Variants in ARID3B observed in about 807,000 individuals in gnomAD.
ARID3B encodes AT-rich interaction domain 3B.
In ARID3B, 10 loss-of-function variants were observed where a neutral mutation model predicts 51.9. The observed-to-expected ratio is 0.19, with a 90% CI of 0.12 to 0.33. The LOEUF (loss-of-function observed/expected upper bound fraction) is 0.33, where lower values mean the gene tolerates loss of function less well. Ranked by LOEUF, ARID3B falls within the 10% of genes least tolerant of loss-of-function variation. ARID3B has a pLI of 1.00. For missense variants in ARID3B, 483 were observed against 716.3 expected, an observed-to-expected ratio of 0.67 and a Z score of 3.72; for synonymous variants, 205 against 279.5, an observed-to-expected ratio of 0.73 and a Z score of 2.66.
Position 74,544,438 on chromosome 15 carries a change from G to C in ARID3B, c.502G>C (p.Val168Leu), listed in dbSNP as rs140786777. The change falls in exon 2 of 9, where the codon GTC (valine) becomes CTC (leucine). Residue 168 changes from valine (V) to leucine (L), a missense_variant. Val to Leu is a conservative substitution (Grantham distance 32). Around this residue, in one of 3 missense-constraint regions of ARID3B, gnomAD observed 182 missense variants for 244.5 expected, o/e 0.74. Transcript: ENST00000346246. The part of the protein sequence containing the change: ...TKDASKASPS[V>L]STAGQPNWNL... The stretch of plus-strand genomic sequence containing the variant: ...AGATGCTTCCAAGGCCTCACCTTCT[G>C]TCTCCACAGCAGGACAGCCGAACTG... 2,593 of 1,614,152 alleles carry C rather than the reference G, an allele frequency of 1.6e-3. 8 individuals are homozygous for C. The highest frequency in any genetic ancestry group is 6.8e-3 in the East Asian group (305 of 44,880).
At chr15:74,553,702 A>G (rs2061646147) in intron 2 of ARID3B, among the ~76,000 whole-genome samples, 1 of 152,160 alleles carries the variant, frequency 6.6e-6, no homozygotes, top group Non-Finnish European at 1.5e-5. Flanking sequence ...TAAATGTTCC[A>G]TGTGTGCTTG....
Position 74,595,628 on chromosome 15 carries a change from A to T in ARID3B, c.1537A>T (p.Lys513Ter). Reference protein sequence around the residue: ...TTYAGVLFAQKPVVHLITGSA... With the variant: ...TTYAGVLFAQ ...CCACCAAGGTGTGCTGTTTGCCCAG[A>T]AGCCTGTGGTCCACCTCATCACGGG... is the stretch of plus-strand genomic sequence containing the variant. The change falls in exon 9 of 9, where the codon AAG becomes TAG. Residue 513 changes from lysine to a stop codon, truncating the protein, a stop_gained. Coordinates refer to ENST00000346246, the MANE Select transcript of ARID3B (RefSeq NM_006465.4). LOFTEE classifies it high-confidence loss of function. 1 of 1,612,846 alleles carries T rather than the reference A, an allele frequency of 6.2e-7. No individual in the cohort carries two copies. Among genetic ancestry groups the T allele is most frequent in the Non-Finnish European group, 8.5e-7 (1 of 1,179,298 alleles).
intron 2 of ARID3B, among the ~76,000 whole-genome samples, chr15:74,570,253 A>ACT (rs1596257548): frequency 6.6e-6 from 1 of 152,100 alleles, no homozygotes; most frequent in East Asian, 1.9e-4. Context: ...GGCATTCTCC[A>ACT]TGTGTGGAGC....
chr15:74,575,862 A>C (rs1038383736), intron 4 of ARID3B, among the ~76,000 whole-genome samples: 1 of 152,164 alleles, frequency 6.6e-6, no homozygotes, highest in African/African-American at 2.4e-5. Flanking sequence ...TGGGATGGGT[A>C]GTCCTTGTTG....
At chr15:74,565,089 G>A (rs2141459462) in intron 2 of ARID3B, among the ~76,000 whole-genome samples, 1 of 151,540 alleles carries the variant, frequency 6.6e-6, no homozygotes, top group African/African-American at 2.4e-5. Flanking sequence ...CTGTTACCCA[G>A]GCTGGAGTGT....
intron 4 of ARID3B, among the ~76,000 whole-genome samples, chr15:74,584,816 G>A (rs1052190719): frequency 6.6e-6 from 1 of 152,166 alleles, no homozygotes; most frequent in Non-Finnish European, 1.5e-5. Flanking sequence ...TAGTGCCAGC[G>A]CCCAGCGGCA....
At position 74,591,362 on chromosome 15, in the gene ARID3B, C is replaced by T. The variant is rs1567127286; in HGVS notation, c.1093C>T (p.Leu365Phe). The change falls in exon 6 of 9, where the codon CTT (leucine) becomes TTT (phenylalanine). Residue 365 changes from leucine (L) to phenylalanine (F), a missense_variant. This residue lies in a region of ARID3B where 265 missense variants were observed against 354.4 expected (regional missense o/e 0.75). Transcript: ENST00000346246. This position sits in a 1 kb window ranked among gnomAD's most constrained non-coding sequence, Gnocchi z 5.8. ...LSPPKIRFPI[L>F]GLGSSSGTNT... The stretch of plus-strand genomic sequence containing the variant: ...CCCACCCAAGATCCGCTTTCCCATC[C>T]TTGGGCTTGGCTCCAGCAGTGGTAC... 1.9e-6 allele frequency: 3 copies of T among 1,614,188 alleles called. No homozygotes were observed. The highest frequency in any genetic ancestry group is 2.5e-6 in the Non-Finnish European group (3 of 1,180,008).
chr15:74,542,661 A>C (rs2061599282), intron 1 of ARID3B, among the ~76,000 whole-genome samples: 1 of 152,274 alleles, frequency 6.6e-6, no homozygotes, highest in African/African-American at 2.4e-5. Flanking sequence ...CACTGGAACA[A>C]TGCAGATATC....
chr15:74,566,951 G>A (rs2061701280), intron 2 of ARID3B, among the ~76,000 whole-genome samples: 1 of 151,874 alleles, frequency 6.6e-6, no homozygotes, highest in Admixed American at 6.6e-5. Context: ...GAAAAAAAAG[G>A]AAAAGTGAAA....
At chr15:74,580,143 A>G (rs1366887507) in intron 4 of ARID3B, among the ~76,000 whole-genome samples, 1 of 152,208 alleles carries the variant, frequency 6.6e-6, no homozygotes. Flanking sequence ...GTGAGCCAGG[A>G]TTGCACCACA....
rs889737176 is a variant in ARID3B, at chr15:74,572,788, T to C, written c.553-74T>C. Reference sequence around the variant, plus strand: ...TAAGCATCTTCATCTTTGCCCTAAATGATTGCCTTGCCCTCTGTCCTAACT... The same window carrying C: ...TAAGCATCTTCATCTTTGCCCTAAACGATTGCCTTGCCCTCTGTCCTAACT... On this transcript the variant is annotated intron_variant, in intron 2 of 8. Coordinates refer to ENST00000346246, the MANE Select transcript of ARID3B (RefSeq NM_006465.4). The C allele has an allele frequency of 1.6e-5, 23 of 1,426,060 alleles. No individual in the cohort carries two copies. In the African/African-American group the frequency reaches 2.7e-4, roughly 17 times the overall value. The allele number at this position is 1,426,060 out of a possible 1,614,324, so 88.3% of individuals were successfully genotyped here.
intron 4 of ARID3B, among the ~76,000 whole-genome samples, chr15:74,582,350 T>TA (rs2061765119): frequency 6.6e-6 from 1 of 152,052 alleles, no homozygotes; most frequent in Admixed American, 6.6e-5. Context: ...ATATTTTTAA[T>TA]ATAGATGGGG....
chr15:74,585,824 G>A (rs2061779289), intron 4 of ARID3B, among the ~76,000 whole-genome samples: 1 of 152,226 alleles, frequency 6.6e-6, no homozygotes, highest in Non-Finnish European at 1.5e-5. Flanking sequence ...AAACTGCTGA[G>A]ACCAACCTGC....
At position 74,572,965 on chromosome 15, in the gene ARID3B, G is replaced by A. The variant is rs202037846; in HGVS notation, c.624+32G>A. 15 of 1,611,506 alleles carry A rather than the reference G, an allele frequency of 9.3e-6. 1 individual carries two copies. In the East Asian group the frequency reaches 2.5e-4, roughly 26 times the overall value. On this transcript the variant is annotated intron_variant, in intron 3 of 8. Transcript: ENST00000346246. ...AATACTTCCTTTGTGATACAGATAG[G>A]GGCAGTTCTGCAGTGGCTTGTTACA...
chr15:74,592,779 G>A (rs75573269), intron 7 of ARID3B, among the ~76,000 whole-genome samples: 4,989 of 151,448 alleles, frequency 0.033, 290 homozygotes, highest in African/African-American at 0.11. Context: ...AGTTGGGGCT[G>A]GGTCTCATTG....
chr15:74,582,138 GTT>G (rs2061764178), intron 4 of ARID3B, among the ~76,000 whole-genome samples: 1 of 151,794 alleles, frequency 6.6e-6, no homozygotes, highest in Non-Finnish European at 1.5e-5. Context: ...TCATTGGCCA[GTT>G]TCTCCGAATG....
In ARID3B at chr15:74,591,758, G is replaced by C. The variant is rs149869854; in HGVS notation, c.1364G>C (p.Arg455Pro). ...EQRLVQQAFQ[R>P]NFFSMARQLP... ...CGCCTGGTGCAGCAGGCCTTCCAGC[G>C]CAACTTTTTCAGCATGGCACGGCAG... The change falls in exon 7 of 9, where the codon CGC becomes CCC. Residue 455 changes from arginine (R) to proline (P), a missense_variant. Arg to Pro is a moderately radical substitution (Grantham distance 103). This residue lies in a region of ARID3B where 265 missense variants were observed against 354.4 expected (regional missense o/e 0.75). Coordinates refer to ENST00000346246, the MANE Select transcript of ARID3B (RefSeq NM_006465.4). The surrounding 1 kb of genome is among the most constrained non-coding windows in gnomAD (Gnocchi z 5.8). The C allele has an allele frequency of 6.2e-7, 1 of 1,614,182 alleles. No homozygotes were observed. The highest frequency in any genetic ancestry group is 8.5e-7 in the Non-Finnish European group (1 of 1,180,040).
intron 4 of ARID3B, among the ~76,000 whole-genome samples, chr15:74,588,355 G>A (rs541083710): frequency 6.6e-6 from 1 of 152,236 alleles, no homozygotes; most frequent in Non-Finnish European, 1.5e-5. Context: ...GAGTTGGTGA[G>A]GCTGCCATTC....
chr15:74,552,760 G>T (rs2061642717), intron 2 of ARID3B, among the ~76,000 whole-genome samples: 1 of 151,996 alleles, frequency 6.6e-6, no homozygotes, highest in Admixed American at 6.6e-5. Context: ...TCTTTTTATG[G>T]CTTAGTAGCT....
Sources: gnomAD v4.1 joint callset for allele counts (sites outside exome capture counted in the v4.1 genomes callset) on GRCh38, gnomAD v4.1.1 for gene constraint, gnomAD v4.1.1 regional missense constraint, Gnocchi (gnomAD v3.1) non-coding constraint, MANE v1.5 for transcripts, NCBI Gene and HGNC (gene_info 2026-07-23, HGNC 2026-07-21) for gene names.